The following CATSPERE variants were observed in gnomAD, a reference collection of about 807,000 sequenced individuals.
CATSPERE encodes the protein cation channel sperm-associated auxiliary subunit epsilon.
In CATSPERE, 93 loss-of-function variants were observed where a neutral mutation model predicts 114.1. That is an observed-to-expected ratio of 0.81 (90% CI 0.69 to 0.97). The LOEUF is 0.97. Among genes scored for constraint, CATSPERE ranks in the 50% least tolerant of loss-of-function variants. The pLI is 0.00. For synonymous variants in CATSPERE, 341 were observed against 384.1 expected (o/e 0.89, Z 1.31); for missense variants, 1,058 against 1,131.6 (o/e 0.93, Z 0.93).
At chr1:244,615,526 A>G (rs1671266191) in intron 19 of CATSPERE, among the ~76,000 whole-genome samples, 1 of 151,646 alleles carries the variant, frequency 6.6e-6, no homozygotes, top group East Asian at 1.9e-4. Context: ...GATAGAGCCT[A>G]TTGCTCCCAG....
chr1:244,513,937 T>C (rs1020014369), intron 7 of CATSPERE, among the ~76,000 whole-genome samples: 5 of 152,100 alleles, frequency 3.3e-5, no homozygotes, highest in Admixed American at 2.0e-4. Context: ...TTTAATTAGG[T>C]TGTTTGGTGT....
At chr1:244,605,007 G>A (rs1185444577) in intron 17 of CATSPERE, among the ~76,000 whole-genome samples, 1 of 152,124 alleles carries the variant, frequency 6.6e-6, no homozygotes, top group Admixed American at 6.5e-5. Flanking sequence ...CTCTGAGCAT[G>A]GGCTAGGTGT....
chr1:244,597,303 C>A (rs1352452462), intron 17 of CATSPERE, among the ~76,000 whole-genome samples: 2 of 152,154 alleles, frequency 1.3e-5, no homozygotes, highest in Admixed American at 6.5e-5. Flanking sequence ...TTGTGCTCAC[C>A]ACTCTATTGG....
intron 1 of CATSPERE, among the ~76,000 whole-genome samples, chr1:244,462,455 A>AG (rs1247021612): frequency 6.6e-6 from 1 of 152,166 alleles, no homozygotes; most frequent in African/African-American, 2.4e-5. Flanking sequence ...GAAGCTGTTG[A>AG]GGGAGCAGGT....
chr1:244,636,788 GA>G (rs1217832127), intron 21 of CATSPERE: 2 of 152,372 alleles, frequency 1.3e-5, no homozygotes, highest in Non-Finnish European at 2.9e-5. Flanking sequence ...CCTGGGCCCT[GA>G]AGGGTAGCAG....
At chr1:244,516,329 A>G (rs1406159682) in intron 7 of CATSPERE, among the ~76,000 whole-genome samples, 2 of 150,232 alleles carry the variant, frequency 1.3e-5, no homozygotes, top group African/African-American at 5.0e-5. Context: ...ATATGTATCA[A>G]GAGAGTTTTG....
intron 13 of CATSPERE, among the ~76,000 whole-genome samples, chr1:244,584,266 A>G (rs1666692708): frequency 6.6e-6 from 1 of 152,150 alleles, no homozygotes; most frequent in Non-Finnish European, 1.5e-5. Flanking sequence ...AAGACAGGGT[A>G]CCTTCCCTAG....
intron 2 of CATSPERE, among the ~76,000 whole-genome samples, chr1:244,475,627 C>G (rs1669207943): frequency 5.3e-5 from 8 of 150,426 alleles, no homozygotes; most frequent in Admixed American, 4.0e-4. Context: ...ATCTCTGACT[C>G]CCTGGCTGAA....
At chr1:244,584,328 ATACACAGTTC>A (rs1315110717) in intron 13 of CATSPERE, among the ~76,000 whole-genome samples, 4 of 152,132 alleles carry the variant, frequency 2.6e-5, no homozygotes, top group Non-Finnish European at 4.4e-5. Flanking sequence ...GGAAAATGGT[ATACACAGTTC>A]TCAAACAGCC....
At chr1:244,606,135 C>T (rs930047717) in intron 18 of CATSPERE, among the ~76,000 whole-genome samples, 12 of 152,166 alleles carry the variant, frequency 7.9e-5, no homozygotes, top group Admixed American at 1.3e-4. Flanking sequence ...CTAAGTCAAA[C>T]GGACACTCTG....
At position 244,640,325 on chromosome 1, in the gene CATSPERE, T is replaced by C. The variant is rs1274982661; in HGVS notation, c.*244T>C. ...TAAAGATACTCTATGTACTCTCACA[T>C]GGCATGAAAAAATAAACTAAATTTG... On this transcript the variant is annotated 3_prime_UTR_variant, in exon 22 of 22. Transcript: ENST00000366534. 7.5e-6 allele frequency: 2 copies of C among 268,282 alleles called. No individual in the cohort carries two copies. Among genetic ancestry groups the C allele is most frequent in the Non-Finnish European group, 1.4e-5 (2 of 143,578 alleles). The allele number at this position is 268,282 out of a possible 1,614,324, so 16.6% of individuals were successfully genotyped here.
At chr1:244,634,744 T>A (rs1674396097) in intron 20 of CATSPERE, among the ~76,000 whole-genome samples, 1 of 152,266 alleles carries the variant, frequency 6.6e-6, no homozygotes, top group African/African-American at 2.4e-5. Flanking sequence ...CTTCCTCATC[T>A]GAGTTTCCTC....
At chr1:244,537,217 G>C (rs1279270202) in intron 8 of CATSPERE, among the ~76,000 whole-genome samples, 1 of 152,166 alleles carries the variant, frequency 6.6e-6, no homozygotes, top group East Asian at 1.9e-4. Context: ...TCTGTTGCTA[G>C]TTTGCTTTGA....
intron 8 of CATSPERE, among the ~76,000 whole-genome samples, chr1:244,549,262 T>C (rs2148487662): frequency 6.6e-6 from 1 of 152,292 alleles, no homozygotes; most frequent in East Asian, 1.9e-4. Context: ...CATGACCAGC[T>C]GAGGTTCTCA....
At chr1:244,545,933 T>G (rs1241472984) in intron 8 of CATSPERE, among the ~76,000 whole-genome samples, 1 of 152,154 alleles carries the variant, frequency 6.6e-6, no homozygotes, top group Non-Finnish European at 1.5e-5. Flanking sequence ...CTACAATGAG[T>G]TAACAGAGGA....
At chr1:244,494,118 T>C (rs1203887687) in intron 6 of CATSPERE, among the ~76,000 whole-genome samples, 3 of 151,978 alleles carry the variant, frequency 2.0e-5, no homozygotes, top group Admixed American at 6.6e-5. Context: ...ACCCAAAGGA[T>C]TATAAATCAT....
intron 8 of CATSPERE, among the ~76,000 whole-genome samples, chr1:244,526,540 A>G (rs1678637232): frequency 6.6e-6 from 1 of 152,060 alleles, no homozygotes; most frequent in Non-Finnish European, 1.5e-5. Flanking sequence ...TTTCCAGCCT[A>G]TACAATGGGA....
chr1:244,478,963 AG>A, intron 4 of CATSPERE, among the ~76,000 whole-genome samples: 1 of 136,288 alleles, frequency 7.3e-6, no homozygotes, highest in South Asian at 2.6e-4. Context: ...GGGAGGTGGA[AG>A]TTGCAGTGAG....
chr1:244,557,583 A>ATATATATATATATAT (rs59833011), intron 9 of CATSPERE, among the ~76,000 whole-genome samples: 44 of 103,472 alleles, frequency 4.3e-4, no homozygotes, highest in East Asian at 6.3e-4. Context: ...ATATATATAT[A>ATATATATATATATAT]AAATCTCCCA....
Sources: allele counts gnomAD v4.1 joint callset (sites outside exome capture counted in the v4.1 genomes callset), GRCh38; gene constraint gnomAD v4.1.1; transcripts MANE v1.5; gene names NCBI Gene and HGNC (gene_info 2026-07-23, HGNC 2026-07-21).